FAM111B: variants seen among roughly 807,000 people sequenced by gnomAD.
The protein encoded by FAM111B is FAM111 trypsin like peptidase B, also known as serine protease FAM111B.
A neutral mutation model predicts 2.8 loss-of-function variants in FAM111B; 1 was observed. That is an observed-to-expected ratio of 0.36 (90% CI 0.13 to 1.70). The LOEUF (loss-of-function observed/expected upper bound fraction) is 1.70, where lower values mean the gene tolerates loss of function less well. Among genes scored for constraint, FAM111B ranks in the 40% most tolerant of loss-of-function variants. The probability of loss-of-function intolerance (pLI) is 0.35; values close to 1 mark genes in which losing one functional copy is unlikely to be tolerated. For missense variants in FAM111B, 882 were observed against 878.9 expected, an observed-to-expected ratio of 1.00 and a Z score of -0.04; for synonymous variants, 297 against 295.6, an observed-to-expected ratio of 1.00 and a Z score of -0.05.
In FAM111B at chr11:59,120,298, G is replaced by A. The variant is rs188785889; in HGVS notation, c.82-3881G>A. On this transcript the variant is annotated intron_variant, in intron 3 of 3. Coordinates refer to ENST00000343597, the MANE Select transcript of FAM111B (RefSeq NM_198947.4). ...GAGACAGACTCACAAATTTCAAGAT[G>A]TGACAATATCTTTGTATTAGTTTGT... 5.3e-5 allele frequency among the ~76,000 whole-genome samples: 8 copies of A among 152,306 alleles called. No homozygotes were observed. The East Asian group carries it at 1.5e-3, about 29-fold the overall frequency.
intron 3 of FAM111B, among the ~76,000 whole-genome samples, chr11:59,113,362 T>C (rs1565187175): frequency 1.3e-5 from 2 of 152,192 alleles, no homozygotes; most frequent in South Asian, 2.1e-4. Context: ...ACCTGGTGGA[T>C]GAAGGCAGAG....
chr11:59,113,389 G>A lies in FAM111B; in HGVS notation c.81+3683G>A, dbSNP rs79996064. Among the ~76,000 whole-genome samples the A allele has an allele frequency of 5.3e-3, 800 of 152,288 alleles. 5 individuals are homozygous for A. The highest frequency in any genetic ancestry group is 9.5e-3 in the Non-Finnish European group (643 of 68,026). On this transcript the variant is annotated intron_variant, in intron 3 of 3. Transcript: ENST00000343597. ...AAGGCAGAGCAGGGAGTGGGTGATT[G>A]AAGGGGCAATGTGACTGGTGCATTA...
Position 59,124,759 on chromosome 11 carries a change from T to C in FAM111B, c.662T>C (p.Ile221Thr), listed in dbSNP as rs1859986095. The C allele has an allele frequency of 6.2e-7, 1 of 1,613,814 alleles. No homozygotes were observed. The highest frequency in any genetic ancestry group is 8.5e-7 in the Non-Finnish European group (1 of 1,179,802). ...ATTTATGCCTTGAAGGGTGAGACTA[T>C]TGAAGGAGCCTTATGCAAGGATGGC... ...LCIYALKGETIEGALCKDGRF... is the reference protein window; with the variant it reads ...LCIYALKGETTEGALCKDGRF... Residue 221 changes from isoleucine (I) to threonine (T), a missense_variant, in exon 4 of 4, where the codon ATT (isoleucine) becomes ACT (threonine). Physicochemically the swap from Ile to Thr is moderately conservative, Grantham distance 89 (BLOSUM62 -1). Transcript: ENST00000343597.
At chr11:59,115,229 G>A (rs1010700690) in intron 3 of FAM111B, among the ~76,000 whole-genome samples, 1 of 152,200 alleles carries the variant, frequency 6.6e-6, no homozygotes, top group Non-Finnish European at 1.5e-5. Context: ...AGGCTTAGAA[G>A]TAGGGGCCAG....
In FAM111B at chr11:59,125,258, CTT is replaced by C. The variant is rs1397370775; in HGVS notation, c.1162_1163del (p.Leu388LysfsTer8). On this transcript the variant is annotated frameshift_variant, in exon 4 of 4. Transcript: ENST00000343597. LOFTEE classifies it low-confidence loss of function (END_TRUNC). ...LDVQKEAINL[L>X]KNYQTLNEAI... ...ATGTCCAAAAGGAGGCAATTAATCT[CTT>C]AAAGAATTATCAAACGTTGAATGAA... 1 of 1,613,858 alleles carries C rather than the reference CTT, an allele frequency of 6.2e-7. No homozygotes were observed. Among genetic ancestry groups the C allele is most frequent in the East Asian group, 2.2e-5 (1 of 44,874 alleles).
rs757410650 is a variant in FAM111B, at chr11:59,109,621, T to G, written c.-5T>G. The G allele has an allele frequency of 1.9e-6, 3 of 1,598,920 alleles. No individual in the cohort carries two copies. Among genetic ancestry groups the G allele is most frequent in the Non-Finnish European group, 2.6e-6 (3 of 1,168,954 alleles). On this transcript the variant is annotated 5_prime_UTR_variant, in exon 3 of 4. Transcript: ENST00000343597. ...GAAGTTAGTTACATTCTCTTTGAAC[T>G]CATCATGAATTCCATGAAGACTGAA...
At chr11:59,121,755 C>T (rs1859926138) in intron 3 of FAM111B, among the ~76,000 whole-genome samples, 1 of 152,136 alleles carries the variant, frequency 6.6e-6, no homozygotes, top group African/African-American at 2.4e-5. Flanking sequence ...AGAAAAACCC[C>T]AGAAATAACA....
intron 3 of FAM111B, among the ~76,000 whole-genome samples, chr11:59,121,085 A>C (rs1859914745): frequency 6.6e-6 from 1 of 151,836 alleles, no homozygotes; most frequent in Non-Finnish European, 1.5e-5. Context: ...AAAAAAAAAA[A>C]CAATTATCCT....
chr11:59,117,077 G>A (rs1859850452), intron 3 of FAM111B, among the ~76,000 whole-genome samples: 1 of 152,222 alleles, frequency 6.6e-6, no homozygotes, highest in African/African-American at 2.4e-5. Flanking sequence ...CAAACTACGT[G>A]CAGTTGCTTT....
At chr11:59,123,316 A>G (rs983583907) in intron 3 of FAM111B, among the ~76,000 whole-genome samples, 7 of 152,222 alleles carry the variant, frequency 4.6e-5, no homozygotes, top group Non-Finnish European at 1.0e-4. Context: ...TTATCTATCA[A>G]TTGGCAAATA....
intron 3 of FAM111B, among the ~76,000 whole-genome samples, chr11:59,112,310 A>T (rs778255537): frequency 5.3e-5 from 8 of 152,212 alleles, no homozygotes; most frequent in Non-Finnish European, 1.0e-4. Context: ...TCCATTTAAG[A>T]TTCATGAGTG....
intron 3 of FAM111B, among the ~76,000 whole-genome samples, chr11:59,122,830 T>C (rs568172505): frequency 5.0e-4 from 76 of 152,292 alleles, no homozygotes; most frequent in Middle Eastern, 3.4e-3. Flanking sequence ...GAAATCACTA[T>C]TCCTAAGACC....
intron 3 of FAM111B, among the ~76,000 whole-genome samples, chr11:59,122,867 C>A (rs894156402): frequency 3.3e-5 from 5 of 152,176 alleles, no homozygotes; most frequent in African/African-American, 4.8e-5. Context: ...CACCTACCTA[C>A]TAAATGATCC....
rs375222909 is a variant in FAM111B, at chr11:59,124,595, C to A, written c.498C>A (p.Ser166Arg). The part of the protein sequence containing the change: ...FKITFGQRKS[S>R]KEDGHILRQC... Reference sequence around the variant, plus strand: ...TTACATTTGGTCAAAGAAAGAGTAGCAAAGAAGATGGACACATATTACGCC... The same window carrying A: ...TTACATTTGGTCAAAGAAAGAGTAGAAAAGAAGATGGACACATATTACGCC... The change falls in exon 4 of 4, where the codon AGC becomes AGA. Residue 166 changes from serine to arginine, a missense_variant. Coordinates refer to ENST00000343597, the MANE Select transcript of FAM111B (RefSeq NM_198947.4). The A allele has an allele frequency of 2.5e-6, 4 of 1,613,666 alleles. No individual in the cohort carries two copies. Among genetic ancestry groups the A allele is most frequent in the Middle Eastern group, 1.7e-4 (1 of 6,060 alleles).
At position 59,109,521 on chromosome 11, in the gene FAM111B, G is replaced by A. The variant is rs1327182003; in HGVS notation, c.-86-19G>A. On this transcript the variant is annotated intron_variant, in intron 2 of 3. Transcript: ENST00000343597. ...TGAAAGTGGTTATTTCATAGATCTTGTTTTTTTGGTTTTTTTAGACATTTC... is the reference window on the plus strand; with the variant it reads ...TGAAAGTGGTTATTTCATAGATCTTATTTTTTTGGTTTTTTTAGACATTTC... The A allele has an allele frequency of 2.9e-6, 2 of 690,626 alleles. No homozygotes were observed. The highest frequency in any genetic ancestry group is 3.6e-5 in the African/African-American group (2 of 55,160). The allele number at this position is 690,626 out of a possible 1,614,324, so 42.8% of individuals were successfully genotyped here.
At chr11:59,117,296 T>G (rs1859853048) in intron 3 of FAM111B, among the ~76,000 whole-genome samples, 2 of 152,232 alleles carry the variant, frequency 1.3e-5, no homozygotes, top group Non-Finnish European at 2.9e-5. Context: ...TCCACTCTTT[T>G]TTGGCATGGG....
rs116835913 is a variant in FAM111B at position 59,118,982 on chromosome 11, A to G, written c.82-5197A>G. The stretch of plus-strand genomic sequence containing the variant: ...GTTTTGCCTGTATATTACAGAGCTA[A>G]TATATCCCTATTGCTGAGGCAATGT... On this transcript the variant is annotated intron_variant, in intron 3 of 3. Coordinates refer to ENST00000343597, the MANE Select transcript of FAM111B (RefSeq NM_198947.4). Among the ~76,000 whole-genome samples, 447 of 152,304 alleles carry G rather than the reference A, an allele frequency of 2.9e-3. 1 individual carries two copies. Among genetic ancestry groups the G allele is most frequent in the African/African-American group, 0.01 (417 of 41,564 alleles).
At position 59,125,601 on chromosome 11, in the gene FAM111B, C is replaced by T. The variant is rs376277720; in HGVS notation, c.1504C>T (p.Pro502Ser). Residue 502 changes from proline (P) to serine (S), a missense_variant, in exon 4 of 4, where the codon CCA becomes TCA. Pro to Ser is a moderately conservative substitution (Grantham distance 74). Transcript: ENST00000343597. ...TCTTATGGTGGGTAAAAACACACAT[C>T]CAAGTTTGTGGCCAGATATAATTAG... ...VHLMVGKNTHPSLWPDIISKC... is the reference protein window; with the variant it reads ...VHLMVGKNTHSSLWPDIISKC... 2.6e-5 allele frequency: 42 copies of T among 1,613,872 alleles called. No homozygotes were observed. Among genetic ancestry groups the T allele is most frequent in the Non-Finnish European group, 3.6e-5 (42 of 1,179,818 alleles).
chr11:59,123,320 G>T (rs1565189836), intron 3 of FAM111B, among the ~76,000 whole-genome samples: 1 of 152,060 alleles, frequency 6.6e-6, no homozygotes, highest in Non-Finnish European at 1.5e-5. Flanking sequence ...CTATCAATTG[G>T]CAAATATTTA....
Sources: allele counts gnomAD v4.1 joint callset (sites outside exome capture counted in the v4.1 genomes callset), GRCh38; gene constraint gnomAD v4.1.1; transcripts MANE v1.5; gene names NCBI Gene and HGNC (gene_info 2026-07-23, HGNC 2026-07-21).